The following SART1 variants were observed in gnomAD, a reference collection of about 807,000 sequenced individuals.
The protein encoded by SART1 is spliceosome associated factor 1, recruiter of U4/U6.U5 tri-snRNP, also known as U4/U6.U5 tri-snRNP-associated protein 1.
Under a neutral mutation model 105.0 loss-of-function variants are expected in SART1, and 28 were observed. The ratio of observed to expected loss-of-function variants is 0.27; its 90% CI spans 0.20 to 0.37. The LOEUF (loss-of-function observed/expected upper bound fraction) is 0.37, where lower values mean the gene tolerates loss of function less well. Ranked by LOEUF, SART1 falls within the 10% of genes least tolerant of loss-of-function variation. The probability of loss-of-function intolerance (pLI) is 1.00; values close to 1 mark genes in which losing one functional copy is unlikely to be tolerated. For missense variants in SART1, 894 were observed against 1,106.5 expected, an observed-to-expected ratio of 0.81 and a Z score of 2.72; for synonymous variants, 472 against 462.9, an observed-to-expected ratio of 1.02 and a Z score of -0.25.
chr11:65,971,673 G>A (rs1259025424), intron 12 of SART1, among the ~76,000 whole-genome samples: 1 of 151,932 alleles, frequency 6.6e-6, no homozygotes, highest in African/African-American at 2.4e-5. Context: ...ATGCCCTGAA[G>A]CAGTGGATGG....
Position 65,974,721 on chromosome 11 carries a change from G to C in SART1, c.1573-1674G>C, listed in dbSNP as rs1855448322. Among the ~76,000 whole-genome samples, 3 of 151,956 alleles carry C rather than the reference G, an allele frequency of 2.0e-5. No homozygotes were observed. The South Asian group carries it at 6.2e-4, about 32-fold the overall frequency. On this transcript the variant is annotated intron_variant, in intron 12 of 19. Coordinates refer to ENST00000312397, the MANE Select transcript of SART1 (RefSeq NM_005146.5). ...ATGCATTAGATATACCTCGTTTTAT[G>C]TTTACAATGTTCATTAAAAAATAAG...
rs1482347379 is a variant in SART1, at chr11:65,979,695, C to T, written c.*665C>T. 1 of 152,232 alleles carries T rather than the reference C, an allele frequency of 6.6e-6. No individual in the cohort carries two copies. Among genetic ancestry groups the T allele is most frequent in the Non-Finnish European group, 1.5e-5 (1 of 68,102 alleles). The allele number at this position is 152,232 out of a possible 1,614,324, so 9.4% of individuals were successfully genotyped here. ...TCAAATCCATAGAAAGACAAACGGC[C>T]ACCTTGGGTGCCCAGGATACTGGTG... is the stretch of plus-strand genomic sequence containing the variant. On this transcript the variant is annotated 3_prime_UTR_variant, in exon 20 of 20. Coordinates refer to ENST00000312397, the MANE Select transcript of SART1 (RefSeq NM_005146.5).
chr11:65,968,458 C>T (rs766573779), intron 12 of SART1, among the ~76,000 whole-genome samples: 41 of 152,136 alleles, frequency 2.7e-4, no homozygotes, highest in African/African-American at 9.2e-4. Context: ...TGGGGGAGAG[C>T]GTGGGGAGCA....
Position 65,976,230 on chromosome 11 carries a change from T to C in SART1, c.1573-165T>C, listed in dbSNP as rs955991164. 6.6e-6 allele frequency among the ~76,000 whole-genome samples: 1 copy of C among 151,770 alleles called. No individual in the cohort carries two copies. The highest frequency in any genetic ancestry group is 1.5e-5 in the Non-Finnish European group (1 of 67,938). On this transcript the variant is annotated intron_variant, in intron 12 of 19. Coordinates refer to ENST00000312397, the MANE Select transcript of SART1 (RefSeq NM_005146.5). The surrounding 1 kb of genome is among the most constrained non-coding windows in gnomAD (Gnocchi z 5.1). ...GTTTGGAGCAGAAGAGTGACCCCAG[T>C]GAAAGAGGTGCAGAGTGGAGTTAGG...
At position 65,976,996 on chromosome 11, in the gene SART1, C is replaced by G. The variant is rs1006303848; in HGVS notation, c.1858-18C>G. 1 of 1,607,972 alleles carries G rather than the reference C, an allele frequency of 6.2e-7. No homozygotes were observed. Among genetic ancestry groups the G allele is most frequent in the East Asian group, 2.2e-5 (1 of 44,844 alleles). ...AGCCGGTATGGCCTGCTAACCACCCCCGCCACGTGTCCCGTAGTTCTCTGC... is the reference window on the plus strand; with the variant it reads ...AGCCGGTATGGCCTGCTAACCACCCGCGCCACGTGTCCCGTAGTTCTCTGC... On this transcript the variant is annotated intron_variant, in intron 14 of 19. Transcript: ENST00000312397. This position sits in a 1 kb window ranked among gnomAD's most constrained non-coding sequence, Gnocchi z 5.1.
At position 65,978,702 on chromosome 11, in the gene SART1, G is replaced by T. The variant is rs1406913766; in HGVS notation, c.2262+13G>T. Reference sequence around the variant, plus strand: ...GGACGAGGAGGCGGTGGGTGCCCTTGGGGATGTGGGGGGCCCTGTGCCTGC... The same window carrying T: ...GGACGAGGAGGCGGTGGGTGCCCTTTGGGATGTGGGGGGCCCTGTGCCTGC... On this transcript the variant is annotated intron_variant, in intron 18 of 19. Transcript: ENST00000312397. The surrounding 1 kb of genome is among the most constrained non-coding windows in gnomAD (Gnocchi z 6.8). The T allele has an allele frequency of 5.0e-6, 8 of 1,612,854 alleles. No individual in the cohort carries two copies. The highest frequency in any genetic ancestry group is 1.7e-5 in the Admixed American group (1 of 59,762).
In SART1 at chr11:65,975,562, A is replaced by C. The variant is rs1855464178; in HGVS notation, c.1573-833A>C. On this transcript the variant is annotated intron_variant, in intron 12 of 19. Coordinates refer to ENST00000312397, the MANE Select transcript of SART1 (RefSeq NM_005146.5). ...GCTGGGACTATGGGCGTGTGTGACC[A>C]CAATGTCTAATTTTTATGTTTTTTG... Among the ~76,000 whole-genome samples the C allele has an allele frequency of 2.7e-5, 4 of 150,782 alleles. No individual in the cohort carries two copies. The South Asian group carries it at 8.4e-4, about 32-fold the overall frequency.
Position 65,977,667 on chromosome 11 carries a change from G to C in SART1, c.2036+14G>C. 1 of 1,613,782 alleles carries C rather than the reference G, an allele frequency of 6.2e-7. No homozygotes were observed. The highest frequency in any genetic ancestry group is 8.5e-7 in the Non-Finnish European group (1 of 1,179,788). The stretch of plus-strand genomic sequence containing the variant: ...CGAGGATAAGATGTGAGTGTGGTGG[G>C]GCCTGTGCAGGGCTGAGGGGCCTGT... On this transcript the variant is annotated intron_variant, in intron 16 of 19. Coordinates refer to ENST00000312397, the MANE Select transcript of SART1 (RefSeq NM_005146.5).
rs553491579 is a variant in SART1, at chr11:65,978,390, C to G, written c.2173-210C>G. 1.7e-6 allele frequency: 1 copy of G among 587,982 alleles called. No homozygotes were observed. The highest frequency in any genetic ancestry group is 2.9e-5 in the Admixed American group (1 of 34,344). The allele number at this position is 587,982 out of a possible 1,614,324, so 36.4% of individuals were successfully genotyped here. A position where few individuals can be genotyped will look rare whatever the true frequency, so the allele number is the denominator to read the frequency against. ...TCCCCATGCTCTGCCCCCATGGCAGCGCATCCACTAGCCAAGCTGGTCTCC... is the reference window on the plus strand; with the variant it reads ...TCCCCATGCTCTGCCCCCATGGCAGGGCATCCACTAGCCAAGCTGGTCTCC... On this transcript the variant is annotated intron_variant, in intron 17 of 19. Coordinates refer to ENST00000312397, the MANE Select transcript of SART1 (RefSeq NM_005146.5). The surrounding 1 kb of genome is among the most constrained non-coding windows in gnomAD (Gnocchi z 6.8).
intron 15 of SART1, 146 bp downstream of exon 15, chr11:65,977,247 T>A (rs1855502066): frequency 1.5e-6 from 1 of 646,216 alleles, no homozygotes; most frequent in Non-Finnish European, 2.7e-6. Flanking sequence ...CTCCTTCCCC[T>A]CCACTGTGGC....
chr11:65,965,054 T>C, intron 3 of SART1, 38 bp from the exon 4 acceptor site: 2 of 1,540,054 alleles, frequency 1.3e-6, no homozygotes, highest in Non-Finnish European at 1.7e-6. Flanking sequence ...CCACCAGCCA[T>C]GGGCGGGCAT....
rs1224079975 is a variant in SART1 at position 65,961,874 on chromosome 11, C to G, written c.94C>G (p.His32Asp). ...TGGATEQPPR[H>D]REHKKHKHRS... is the part of the protein sequence containing the mutation. ...GGGTGCCACCGAGCAGCCGCCGCGG[C>G]ACCGGGAACACAAAAAACACAAGCA... The change falls in exon 1 of 20, where the codon CAC (histidine) becomes GAC (aspartate). Residue 32 changes from histidine (H) to aspartate (D), a missense_variant. Transcript: ENST00000312397. 6.4e-7 allele frequency: 1 copy of G among 1,569,444 alleles called. No homozygotes were observed. Among genetic ancestry groups the G allele is most frequent in the African/African-American group, 1.4e-5 (1 of 71,090 alleles).
At position 65,967,675 on chromosome 11, in the gene SART1, C is replaced by T; in HGVS notation, c.1430-4C>T. 6.3e-7 allele frequency: 1 copy of T among 1,576,534 alleles called. No homozygotes were observed. Among genetic ancestry groups the T allele is most frequent in the Non-Finnish European group, 8.6e-7 (1 of 1,160,952 alleles). On this transcript the variant is annotated splice_polypyrimidine_tract_variant and splice_region_variant and intron_variant, in intron 11 of 19. Coordinates refer to ENST00000312397, the MANE Select transcript of SART1 (RefSeq NM_005146.5). Reference sequence around the variant, plus strand: ...TGAGCAGGCATCCCCTGTGTTTCCCCCAGAGGAAGGTGGAGCTCCACCGCC... The same window carrying T: ...TGAGCAGGCATCCCCTGTGTTTCCCTCAGAGGAAGGTGGAGCTCCACCGCC...
chr11:65,969,061 G>A (rs1434099752), intron 12 of SART1, among the ~76,000 whole-genome samples: 1 of 152,238 alleles, frequency 6.6e-6, no homozygotes, highest in Non-Finnish European at 1.5e-5. Context: ...GGGAGGCAAA[G>A]TGGGGACAGT....
At chr11:65,973,824 G>T (rs942943874) in intron 12 of SART1, among the ~76,000 whole-genome samples, 3 of 152,120 alleles carry the variant, frequency 2.0e-5, no homozygotes, top group African/African-American at 7.2e-5. Context: ...TACTCTCAGG[G>T]GCACAGATTT....
chr11:65,977,595 C>T lies in SART1; in HGVS notation c.1978C>T (p.Arg660Trp). The T allele has an allele frequency of 6.2e-7, 1 of 1,613,932 alleles. No individual in the cohort carries two copies. The change falls in exon 16 of 20, where the codon CGG becomes TGG. Residue 660 changes from arginine (R) to tryptophan (W), a missense_variant. Transcript: ENST00000312397. ...LLETTVQKVA[R>W]VKAPNKSLPS... is the part of the protein sequence containing the mutation. ...GGAGACCACAGTGCAGAAGGTGGCCCGGGTGAAGGCCCCCAACAAGTCGCT... is the reference window on the plus strand; with the variant it reads ...GGAGACCACAGTGCAGAAGGTGGCCTGGGTGAAGGCCCCCAACAAGTCGCT...
At position 65,978,991 on chromosome 11, in the gene SART1, C is replaced by T. The variant is rs373615717; in HGVS notation, c.2385-21C>T. ...GCCTGTGCCCGCCTCTGCAGCCTCA[C>T]GCCCCTGTTCTTCTCTGCAGGAACA... On this transcript the variant is annotated intron_variant, in intron 19 of 19. Transcript: ENST00000312397. This position sits in a 1 kb window ranked among gnomAD's most constrained non-coding sequence, Gnocchi z 6.8. 29 of 1,613,982 alleles carry T rather than the reference C, an allele frequency of 1.8e-5. No homozygotes were observed. Among genetic ancestry groups the T allele is most frequent in the Non-Finnish European group, 2.4e-5 (28 of 1,180,016 alleles).
Position 65,967,516 on chromosome 11 carries a change from G to A in SART1, c.1359G>A (p.Glu453=), listed in dbSNP as rs745929322. 5 of 1,613,010 alleles carry A rather than the reference G, an allele frequency of 3.1e-6. No individual in the cohort carries two copies. The highest frequency in any genetic ancestry group is 3.4e-6 in the Non-Finnish European group (4 of 1,179,988). Residue 453 remains glutamate, a synonymous_variant, in exon 11 of 20, where the codon GAG becomes GAA. Transcript: ENST00000312397. ...GRRRVSEVEE[E]KEPVPQPLPS... ...GCCGAGTGTCCGAAGTGGAGGAGGA[G>A]AAGGAGCCTGTGCCTCAGCCCCTGC... is the stretch of plus-strand genomic sequence containing the variant.
At position 65,964,531 on chromosome 11, in the gene SART1, T is replaced by A. The variant is rs770774415; in HGVS notation, c.388T>A (p.Leu130Met). ...TGTTGTCAGCAAACTCCGGGCAAAG[T>A]TGGGGCTGAAACCCTTGGAGGTTAA... ...IEETNKLRAK[L>M]GLKPLEVNAI... is the part of the protein sequence containing the mutation. The change falls in exon 3 of 20, where the codon TTG becomes ATG. Residue 130 changes from leucine to methionine, a missense_variant. This residue lies in a region of SART1 where 712 missense variants were observed against 778.2 expected (regional missense o/e 0.91). Coordinates refer to ENST00000312397, the MANE Select transcript of SART1 (RefSeq NM_005146.5). 6.2e-7 allele frequency: 1 copy of A among 1,613,294 alleles called. No homozygotes were observed. Among genetic ancestry groups the A allele is most frequent in the Admixed American group, 1.7e-5 (1 of 59,690 alleles).
Sources: gnomAD v4.1 joint callset for allele counts (sites outside exome capture counted in the v4.1 genomes callset) on GRCh38, gnomAD v4.1.1 for gene constraint, gnomAD v4.1.1 regional missense constraint, Gnocchi (gnomAD v3.1) non-coding constraint, MANE v1.5 for transcripts, NCBI Gene and HGNC (gene_info 2026-07-23, HGNC 2026-07-21) for gene names.